Variants in CCDC144A observed in about 807,000 individuals in gnomAD.
The protein encoded by CCDC144A is coiled-coil domain containing 144A, also known as coiled-coil domain-containing protein 144A.
In CCDC144A, 41 loss-of-function variants were observed where a neutral mutation model predicts 143.8. The observed-to-expected ratio is 0.29, with a 90% CI of 0.22 to 0.37. CCDC144A has a LOEUF of 0.37. Among genes scored for constraint, CCDC144A ranks in the 10% least tolerant of loss-of-function variants. CCDC144A has a pLI of 1.00. For synonymous variants in CCDC144A, 242 were observed against 517.9 expected, an observed-to-expected ratio of 0.47 and a Z score of 7.23; for missense variants, 637 against 1,488.8, an observed-to-expected ratio of 0.43 and a Z score of 9.41.
rs2143432539 is a variant in CCDC144A, at chr17:16,777,051, G to C, written c.*3418G>C. 7.1e-6 allele frequency: 1 copy of C among 140,088 alleles called. No homozygotes were observed. 8.7% of individuals were successfully genotyped at this position (140,088 alleles called of 1,614,324 possible). A position where few individuals can be genotyped will look rare whatever the true frequency, so the allele number is the denominator to read the frequency against. On this transcript the variant is annotated 3_prime_UTR_variant, in exon 17 of 17. Coordinates refer to ENST00000399273, the MANE Select transcript of CCDC144A (RefSeq NM_001382000.1). ...AAATGGACACATCAAAAGCGAGCAG[G>C]AGTAGCTGTTCTTATATCAGACAAA...
intron 4 of CCDC144A, 30 bp from the exon 5 acceptor site, chr17:16,708,766 C>A (rs777432369): frequency 6.8e-6 from 11 of 1,611,134 alleles, no homozygotes; most frequent in Middle Eastern, 2.2e-4. Flanking sequence ...ATAAAACAAG[C>A]AAATTAATCT....
intron 12 of CCDC144A, among the ~76,000 whole-genome samples, chr17:16,738,612 T>C (rs1253088234): frequency 2.6e-5 from 4 of 152,244 alleles, no homozygotes; most frequent in Non-Finnish European, 5.9e-5. Flanking sequence ...TTGTAACATG[T>C]ATCAATATTT....
intron 6 of CCDC144A, among the ~76,000 whole-genome samples, chr17:16,714,223 C>G (rs920871483): frequency 2.0e-5 from 3 of 152,192 alleles, no homozygotes; most frequent in Non-Finnish European, 2.9e-5. Flanking sequence ...AATCTTGTTT[C>G]TCATGACTTT....
intron 15 of CCDC144A, among the ~76,000 whole-genome samples, chr17:16,770,531 A>T (rs1915786997): frequency 6.6e-6 from 1 of 152,030 alleles, no homozygotes; most frequent in Non-Finnish European, 1.5e-5. Context: ...TCAGTGAAAG[A>T]TCTGAAGCCC....
chr17:16,686,747 AACACACACACACACAC>A (rs142329474), upstream of CCDC144A, among the ~76,000 whole-genome samples: 9 of 140,490 alleles, frequency 6.4e-5, no homozygotes, highest in African/African-American at 2.1e-4. Flanking sequence ...CACACACACA[AACACACACACACACAC>A]ACACACACAC....
chr17:16,677,659 G>A, the CCDC144A span, among the ~76,000 whole-genome samples: 1 of 151,714 alleles, frequency 6.6e-6, no homozygotes, highest in Non-Finnish European at 1.5e-5. Flanking sequence ...TGGTGAAACC[G>A]CGTCTCTACT....
At chr17:16,728,404 A>G (rs1913538515) in intron 9 of CCDC144A, among the ~76,000 whole-genome samples, 1 of 152,172 alleles carries the variant, frequency 6.6e-6, no homozygotes, top group Non-Finnish European at 1.5e-5. Flanking sequence ...TAAATTCTCC[A>G]ATATAGAATT....
intron 4 of CCDC144A, 31 bp from the exon 5 acceptor site, chr17:16,708,765 G>T (rs769384346): frequency 6.2e-7 from 1 of 1,611,240 alleles, no homozygotes; most frequent in Non-Finnish European, 8.5e-7. Context: ...AATAAAACAA[G>T]CAAATTAATC....
chr17:16,715,326 G>A (rs3114298), intron 6 of CCDC144A, among the ~76,000 whole-genome samples: 6 of 134,440 alleles, frequency 4.5e-5, no homozygotes, highest in African/African-American at 1.9e-4. Context: ...AAAAAAAAAA[G>A]AAAGAAAGAA....
chr17:16,761,303 C>T lies in CCDC144A; in HGVS notation c.3373-122C>T, dbSNP rs945661237. 146 of 1,427,214 alleles carry T rather than the reference C, an allele frequency of 1.0e-4. No homozygotes were observed. In the Middle Eastern group the frequency reaches 1.3e-3, roughly 13 times the overall value. 88.4% of individuals were successfully genotyped at this position (1,427,214 alleles called of 1,614,324 possible). The stretch of plus-strand genomic sequence containing the variant: ...GAGCCGAGATCCTGTCACTGTACTC[C>T]GGCCTGGGCGACAGAGCGAGACTCC... On this transcript the variant is annotated intron_variant, in intron 12 of 16. Coordinates refer to ENST00000399273, the MANE Select transcript of CCDC144A (RefSeq NM_001382000.1).
intron 15 of CCDC144A, among the ~76,000 whole-genome samples, chr17:16,769,762 T>C (rs536814514): frequency 5.3e-4 from 80 of 150,538 alleles, no homozygotes; most frequent in African/African-American, 1.9e-3. Context: ...AGAGCTACTA[T>C]TTTTTGTCTC....
At chr17:16,675,235 C>T in the CCDC144A span, among the ~76,000 whole-genome samples, 1 of 149,386 alleles carries the variant, frequency 6.7e-6, no homozygotes, top group East Asian at 1.9e-4. Context: ...TGCCACTCCA[C>T]TCCAGCCTGG....
rs569222902 is a variant in CCDC144A, at chr17:16,725,492, T to C, written c.1892-2035T>C. Among the ~76,000 whole-genome samples the C allele has an allele frequency of 1.3e-3, 193 of 151,414 alleles. 1 individual carries two copies. Among genetic ancestry groups the C allele is most frequent in the African/African-American group, 4.6e-3 (189 of 41,336 alleles). On this transcript the variant is annotated intron_variant, in intron 8 of 16. Coordinates refer to ENST00000399273, the MANE Select transcript of CCDC144A (RefSeq NM_001382000.1). ...CACAGTCCATCTTCAAAAAATATTA[T>C]GGCATATCATATATGGCATAAGAAA... is the stretch of plus-strand genomic sequence containing the variant.
the CCDC144A span, among the ~76,000 whole-genome samples, chr17:16,670,089 G>A: frequency 6.6e-6 from 1 of 151,776 alleles, no homozygotes; most frequent in Admixed American, 6.6e-5. Flanking sequence ...GCTGAGGCAG[G>A]AGAATCCCTT....
intron 2 of CCDC144A, among the ~76,000 whole-genome samples, chr17:16,698,893 C>T (rs878866340): frequency 2.6e-5 from 4 of 152,184 alleles, no homozygotes; most frequent in East Asian, 1.9e-4. Flanking sequence ...AAATATAAAG[C>T]GAAATGCTGA....
the CCDC144A span, among the ~76,000 whole-genome samples, chr17:16,667,661 C>A: frequency 6.6e-6 from 1 of 152,044 alleles, no homozygotes; most frequent in Non-Finnish European, 1.5e-5. Flanking sequence ...TTTTTGCATT[C>A]TATTGGCAAG....
chr17:16,752,156 A>G (rs550172524), intron 12 of CCDC144A, among the ~76,000 whole-genome samples: 1 of 152,224 alleles, frequency 6.6e-6, no homozygotes, highest in South Asian at 2.1e-4. Context: ...GAGCATTACC[A>G]CGTGAGCTTC....
intron 13 of CCDC144A, among the ~76,000 whole-genome samples, chr17:16,762,011 A>G (rs1020016156): frequency 1.3e-5 from 2 of 152,278 alleles, no homozygotes; most frequent in Admixed American, 6.5e-5. Flanking sequence ...TTTAGAAATT[A>G]TACCATACTC....
Position 16,737,409 on chromosome 17 carries a change from G to A in CCDC144A, c.3372+1766G>A, listed in dbSNP as rs921846131. 266 of 985,856 alleles carry A rather than the reference G, an allele frequency of 2.7e-4. 1 individual carries two copies. The African/African-American group carries it at 3.8e-3, about 14-fold the overall frequency. 61.1% of individuals were successfully genotyped at this position (985,856 alleles called of 1,614,324 possible). On this transcript the variant is annotated intron_variant, in intron 12 of 16. Transcript: ENST00000399273. ...TCTCGATCTCCTGACCTCGTGATCC[G>A]CCCGCCTCGGCCTCCCAAAGTGCTG...
Sources: gnomAD v4.1 joint callset for allele counts (sites outside exome capture counted in the v4.1 genomes callset) on GRCh38, gnomAD v4.1.1 for gene constraint, MANE v1.5 for transcripts, NCBI Gene and HGNC (gene_info 2026-07-23, HGNC 2026-07-21) for gene names.